MAPK6: variants seen among roughly 807,000 people sequenced by gnomAD.
MAPK6 encodes the protein mitogen-activated protein kinase 6.
Under a neutral mutation model 59.3 loss-of-function variants are expected in MAPK6, and 19 were observed. That is an observed-to-expected ratio of 0.32 (90% CI 0.22 to 0.47). The LOEUF is 0.47. Among genes scored for constraint, MAPK6 ranks in the 20% least tolerant of loss-of-function variants. The pLI is 1.00. For synonymous variants in MAPK6, 316 were observed against 290.3 expected (o/e 1.09, Z -0.90); for missense variants, 724 against 847.9 (o/e 0.85, Z 1.81).
upstream of MAPK6, among the ~76,000 whole-genome samples, chr15:52,016,070 G>GCGTGCGCGCA: frequency 1.8e-5 from 1 of 55,392 alleles, no homozygotes; most frequent in Non-Finnish European, 3.4e-5. Context: ...GCGCGCGCGC[G>GCGTGCGCGCA]CACACACACA....
intron 3 of MAPK6, among the ~76,000 whole-genome samples, chr15:52,058,419 A>G (rs1271851100): frequency 6.6e-6 from 1 of 152,154 alleles, no homozygotes; most frequent in Non-Finnish European, 1.5e-5. Context: ...TCAGTTCCCT[A>G]TGGAAACAAA....
At position 51,978,438 on chromosome 15, in the gene MAPK6, A is replaced by C. The variant is rs2057163313; in HGVS notation, c.-879-4768A>C. Among the ~76,000 whole-genome samples the C allele has an allele frequency of 2.0e-5, 3 of 151,970 alleles. No individual in the cohort carries two copies. The South Asian group carries it at 6.2e-4, about 31-fold the overall frequency. ...CGTGAGCCACCATGCCCAGATTTCA[A>C]AAAGGTAATACGGTATCTAAACTCT... On this transcript the variant is annotated intron_variant, in intron 1 of 7. Coordinates refer to the MAPK6 transcript ENST00000691380.
intron 4 of MAPK6, among the ~76,000 whole-genome samples, chr15:52,060,156 T>C (rs936238661): frequency 6.6e-6 from 1 of 152,190 alleles, no homozygotes; most frequent in Non-Finnish European, 1.5e-5. Flanking sequence ...GGAAGATTCC[T>C]TGAGCCCAGG....
rs546402301 is a variant in MAPK6, at chr15:52,059,472, G to A, written c.865+675G>A. ...CTGAACTAGTAATTCTGAATTGGGA[G>A]GTGGAGTGGGGAACAGGGTGGGTGT... is the stretch of plus-strand genomic sequence containing the variant. On this transcript the variant is annotated intron_variant, in intron 4 of 5. Coordinates refer to ENST00000261845, the MANE Select transcript of MAPK6 (RefSeq NM_002748.4). Among the ~76,000 whole-genome samples the A allele has an allele frequency of 7.1e-4, 108 of 152,234 alleles. 1 individual carries two copies. Among genetic ancestry groups the A allele is most frequent in the Admixed American group, 2.9e-3 (45 of 15,282 alleles).
intron 4 of MAPK6, among the ~76,000 whole-genome samples, chr15:52,059,729 A>G (rs1366713251): frequency 6.6e-6 from 1 of 152,220 alleles, no homozygotes; most frequent in Non-Finnish European, 1.5e-5. Context: ...ACTGGGGTTT[A>G]TTAACCATTG....
intron 3 of MAPK6, among the ~76,000 whole-genome samples, chr15:52,058,116 AC>A (rs2032054356): frequency 6.6e-6 from 1 of 152,292 alleles, no homozygotes; most frequent in African/African-American, 2.4e-5. Context: ...TTTAAAAGTC[AC>A]CACCTATTTA....
intron 2 of MAPK6, among the ~76,000 whole-genome samples, chr15:51,984,470 T>TTTTG: frequency 7.1e-6 from 1 of 140,096 alleles, no homozygotes; most frequent in African/African-American, 2.7e-5. Context: ...TTTTTTTTTT[T>TTTTG]TTTTTTGTAT....
chr15:52,032,590 G>T (rs946340366), intron 1 of MAPK6, among the ~76,000 whole-genome samples: 1 of 152,096 alleles, frequency 6.6e-6, no homozygotes, highest in South Asian at 2.1e-4. Context: ...TACATTTGGT[G>T]TATTTTTCTT....
intron 1 of MAPK6, among the ~76,000 whole-genome samples, chr15:51,979,358 T>C (rs1595956160): frequency 6.6e-6 from 1 of 151,724 alleles, no homozygotes; most frequent in East Asian, 1.9e-4. Context: ...TAAACATATT[T>C]TCAGTTTAGT....
intron 3 of MAPK6, among the ~76,000 whole-genome samples, chr15:52,013,048 T>A (rs1464212325): frequency 8.5e-6 from 1 of 118,276 alleles, no homozygotes; most frequent in African/African-American, 3.4e-5. Context: ...TATATATATA[T>A]ATATATATAT....
At chr15:51,994,903 A>G (rs899908081) in intron 2 of MAPK6, among the ~76,000 whole-genome samples, 2 of 152,264 alleles carry the variant, frequency 1.3e-5, no homozygotes, top group Non-Finnish European at 2.9e-5. Flanking sequence ...AGTCTAAGGA[A>G]CCATTCAAGA....
chr15:52,013,444 G>T (rs1203816067), intron 3 of MAPK6, among the ~76,000 whole-genome samples: 2 of 152,070 alleles, frequency 1.3e-5, no homozygotes, highest in East Asian at 1.9e-4. Flanking sequence ...TTGGTAGTTT[G>T]TCTTCATAGG....
chr15:52,057,737 T>G (rs1279135412), intron 3 of MAPK6, among the ~76,000 whole-genome samples: 1 of 152,138 alleles, frequency 6.6e-6, no homozygotes, highest in East Asian at 1.9e-4. Flanking sequence ...AGATGGGGTT[T>G]TACCATGTTG....
intron 1 of MAPK6, among the ~76,000 whole-genome samples, chr15:52,022,808 C>T (rs1566902150): frequency 6.6e-6 from 1 of 151,972 alleles, no homozygotes; most frequent in Non-Finnish European, 1.5e-5. Flanking sequence ...GTGCATAATT[C>T]AGAGTTTAAA....
chr15:51,985,479 A>AC (rs2057188144), intron 2 of MAPK6, among the ~76,000 whole-genome samples: 1 of 144,426 alleles, frequency 6.9e-6, no homozygotes. Context: ...ACATGGCGAA[A>AC]CCCCATATCT....
upstream of MAPK6, among the ~76,000 whole-genome samples, chr15:52,016,070 G>GCGCGCGCACACACACACACACA: frequency 4.0e-4 from 22 of 55,446 alleles, no homozygotes; most frequent in East Asian, 5.6e-4. Flanking sequence ...GCGCGCGCGC[G>GCGCGCGCACACACACACACACA]CACACACACA....
intron 1 of MAPK6, among the ~76,000 whole-genome samples, chr15:52,043,358 C>T (rs927765511): frequency 1.3e-5 from 2 of 151,960 alleles, no homozygotes; most frequent in Non-Finnish European, 2.9e-5. Flanking sequence ...AGTGCAGTGG[C>T]GTGATCTCAC....
At chr15:52,038,309 C>T (rs1312148933) in intron 1 of MAPK6, among the ~76,000 whole-genome samples, 2 of 152,148 alleles carry the variant, frequency 1.3e-5, no homozygotes, top group Non-Finnish European at 2.9e-5. Flanking sequence ...TTAAAAACAT[C>T]TTGGTTCATT....
chr15:52,064,424 T>C lies in MAPK6; in HGVS notation c.1590T>C (p.Phe530=). ...EKNQGFDFDS[F]IAGTIQLSSQ... is the part of the protein sequence containing the mutation. ...ATCAGGGATTTGATTTTGATTCCTT[T>C]ATTGCAGGAACTATTCAGCTTAGTT... Residue 530 remains phenylalanine, a synonymous_variant, in exon 6 of 6, where the codon TTT becomes TTC. Coordinates refer to ENST00000261845, the MANE Select transcript of MAPK6 (RefSeq NM_002748.4). The C allele has an allele frequency of 1.9e-6, 3 of 1,611,860 alleles. No homozygotes were observed. Among genetic ancestry groups the C allele is most frequent in the East Asian group, 2.2e-5 (1 of 44,852 alleles).
Sources: gnomAD v4.1 joint callset for allele counts (sites outside exome capture counted in the v4.1 genomes callset) on GRCh38, gnomAD v4.1.1 for gene constraint, MANE v1.5 for transcripts, NCBI Gene and HGNC (gene_info 2026-07-23, HGNC 2026-07-21) for gene names.